NIPBL: variants seen among roughly 807,000 people sequenced by gnomAD.
The protein encoded by NIPBL is NIPBL cohesin loading factor, also known as nipped-B-like protein.
Under a neutral mutation model 321.8 loss-of-function variants are expected in NIPBL, and 19 were observed. That is an observed-to-expected ratio of 0.06 (90% CI 0.04 to 0.09). The LOEUF (loss-of-function observed/expected upper bound fraction) is 0.09. Among genes scored for constraint, NIPBL ranks in the 10% least tolerant of loss-of-function variants. NIPBL has a pLI of 1.00. For synonymous variants in NIPBL, 1,106 were observed against 1,114.1 expected (o/e 0.99, Z 0.14); for missense variants, 2,210 against 3,327.0 (o/e 0.66, Z 8.26).
intron 4 of NIPBL, among the ~76,000 whole-genome samples, chr5:36,959,820 ATTGT>A (rs1224856360): frequency 2.6e-5 from 4 of 152,108 alleles, no homozygotes; most frequent in Admixed American, 2.6e-4. Context: ...AGTCCAAAAT[ATTGT>A]TTGATTTCTG....
chr5:36,968,463 G>C (rs1205272257), intron 6 of NIPBL, among the ~76,000 whole-genome samples: 1 of 151,998 alleles, frequency 6.6e-6, no homozygotes, highest in African/African-American at 2.4e-5. Flanking sequence ...CAGCTACTCC[G>C]AAGGCTGAGG....
At chr5:37,027,314 A>G (rs375469227) in intron 31 of NIPBL, 45 bp from the exon 32 acceptor site, 1 of 1,379,760 alleles carries the variant, frequency 7.2e-7, no homozygotes. Context: ...TTTTATTCAC[A>G]TTTATAAATA....
chr5:36,959,716 G>A (rs982660887), intron 4 of NIPBL, among the ~76,000 whole-genome samples: 13 of 152,166 alleles, frequency 8.5e-5, no homozygotes, highest in Admixed American at 4.6e-4. Context: ...ACATTTTTGA[G>A]TATTTGGGTA....
At chr5:36,955,416 C>A in intron 2 of NIPBL, 56 bp from the exon 3 acceptor site, 1 of 1,424,904 alleles carries the variant, frequency 7.0e-7, no homozygotes, top group Non-Finnish European at 9.9e-7. Flanking sequence ...CAGATAAGCA[C>A]TAAAGAGACT....
At chr5:36,936,204 T>C (rs1738405771) in intron 1 of NIPBL, among the ~76,000 whole-genome samples, 1 of 152,172 alleles carries the variant, frequency 6.6e-6, no homozygotes, top group African/African-American at 2.4e-5. Context: ...GTGTTCAGTT[T>C]TAGGATTTGC....
At chr5:37,058,829 C>T (rs1754367029) in intron 43 of NIPBL, 62 bp from the exon 44 acceptor site, 7 of 1,471,576 alleles carry the variant, frequency 4.8e-6, no homozygotes, top group Non-Finnish European at 6.6e-6. Flanking sequence ...TTGAATGGAG[C>T]ATACTTATAT....
chr5:36,971,281 T>A (rs985659639), intron 7 of NIPBL, among the ~76,000 whole-genome samples: 1 of 143,284 alleles, frequency 7.0e-6, no homozygotes, highest in South Asian at 2.2e-4. Context: ...AAAAAAAAAA[T>A]GTGATAGAGA....
chr5:37,034,242 G>T (rs553679570), intron 32 of NIPBL, among the ~76,000 whole-genome samples: 3 of 152,162 alleles, frequency 2.0e-5, no homozygotes, highest in Non-Finnish European at 2.9e-5. Flanking sequence ...ATGGAAAAGA[G>T]GGATCAGGTA....
At chr5:36,967,811 G>A (rs1184488999) in intron 6 of NIPBL, among the ~76,000 whole-genome samples, 2 of 152,018 alleles carry the variant, frequency 1.3e-5, no homozygotes, top group Non-Finnish European at 1.5e-5. Flanking sequence ...CAAATATTAA[G>A]AAACCAGGCC....
In NIPBL at chr5:36,955,548, A is replaced by T; in HGVS notation, c.141A>T (p.Ala47=). 1 of 1,614,006 alleles carries T rather than the reference A, an allele frequency of 6.2e-7. No homozygotes were observed. The highest frequency in any genetic ancestry group is 8.5e-7 in the Non-Finnish European group (1 of 1,179,894). The change falls in exon 3 of 47, where the codon GCA becomes GCT. Residue 47 remains alanine (A), a synonymous_variant. Transcript: ENST00000282516. ...GCCTTCTCTTTAATGCACGAATAGC[A>T]GAAGAGGTGAACTGCCTTTTGGCTT... ...TKSLLFNARI[A]EEVNCLLACR... is the part of the protein sequence containing the mutation.
intron 27 of NIPBL, 130 bp downstream of exon 27, chr5:37,021,007 T>C: frequency 1.2e-6 from 1 of 812,200 alleles, no homozygotes; most frequent in Non-Finnish European, 2.1e-6. Flanking sequence ...TATTTGTTTT[T>C]AGGTTCTCCG....
intron 34 of NIPBL, among the ~76,000 whole-genome samples, chr5:37,041,832 C>T (rs111397219): frequency 0.079 from 11,478 of 145,884 alleles, 1,051 homozygotes; most frequent in African/African-American, 0.22. Flanking sequence ...CCCAAAGAGC[C>T]GGGATTATAG....
chr5:37,022,771 G>A (rs1010137677), intron 29 of NIPBL, among the ~76,000 whole-genome samples: 3 of 152,220 alleles, frequency 2.0e-5, no homozygotes, highest in South Asian at 2.1e-4. Flanking sequence ...TGAGAGACAC[G>A]TACAGAACGT....
intron 16 of NIPBL, among the ~76,000 whole-genome samples, chr5:37,005,041 A>AT (rs1234322204): frequency 6.6e-6 from 1 of 152,164 alleles, no homozygotes; most frequent in East Asian, 1.9e-4. Context: ...CCCAACACAA[A>AT]TTCGTAAACT....
chr5:37,000,761 G>T (rs1746699919), intron 12 of NIPBL, 56 bp from the exon 13 acceptor site: 2 of 1,465,042 alleles, frequency 1.4e-6, no homozygotes, highest in Admixed American at 1.7e-5. Flanking sequence ...AAACAAAAAT[G>T]GAATTATTTT....
rs587783876 is a variant in NIPBL, at chr5:37,064,967, CA to C, written c.*84del. The C allele has an allele frequency of 3.4e-4, 515 of 1,526,394 alleles. No homozygotes were observed. The highest frequency in any genetic ancestry group is 7.0e-4 in the Middle Eastern group (4 of 5,750). The allele number at this position is 1,526,394 out of a possible 1,614,324, so 94.6% of individuals were successfully genotyped here. On this transcript the variant is annotated 3_prime_UTR_variant, in exon 47 of 47. Coordinates refer to ENST00000282516, the MANE Select transcript of NIPBL (RefSeq NM_133433.4). ...AAAACTTGAAATACCAACATTCTGG[CA>C]AAAAAAAATCAGTTTTATGAAGAGT...
At chr5:37,064,019 C>T (rs200976286) in intron 46 of NIPBL, 41 bp downstream of exon 46, 19 of 1,605,098 alleles carry the variant, frequency 1.2e-5, no homozygotes, top group East Asian at 6.7e-5. Flanking sequence ...CAGCGTATTA[C>T]GTAAAATGAT....
At chr5:36,965,669 T>G (rs919770026) in intron 6 of NIPBL, among the ~76,000 whole-genome samples, 22 of 152,224 alleles carry the variant, frequency 1.4e-4, no homozygotes, top group Middle Eastern at 3.4e-3. Context: ...AGAAGATAAT[T>G]TGAATGTTTT....
chr5:37,019,504 G>A (rs1749381145), intron 25 of NIPBL, 104 bp downstream of exon 25: 1 of 795,312 alleles, frequency 1.3e-6, no homozygotes. Flanking sequence ...AAGTTGTTTG[G>A]AATATTGATT....
Sources: allele counts gnomAD v4.1 joint callset (sites outside exome capture counted in the v4.1 genomes callset), GRCh38; gene constraint gnomAD v4.1.1; transcripts MANE v1.5; gene names NCBI Gene and HGNC (gene_info 2026-07-23, HGNC 2026-07-21).